The following SCAPER variants were observed in gnomAD, a reference collection of about 807,000 sequenced individuals.
SCAPER encodes the protein S phase cyclin A-associated protein in the endoplasmic reticulum.
In SCAPER, 98 loss-of-function variants were observed where a neutral mutation model predicts 182.2. The ratio of observed to expected loss-of-function variants is 0.54; its 90% CI spans 0.46 to 0.64. The LOEUF (loss-of-function observed/expected upper bound fraction) is 0.64. Ranked by LOEUF, SCAPER falls within the 30% of genes least tolerant of loss-of-function variation. The pLI, the probability that SCAPER is intolerant of heterozygous loss-of-function variation, is 0.00. For synonymous variants in SCAPER, 605 were observed against 564.6 expected (o/e 1.07, Z -1.01); for missense variants, 1,432 against 1,690.0 (o/e 0.85, Z 2.68).
intron 29 of SCAPER, among the ~76,000 whole-genome samples, chr15:76,358,400 T>C (rs997450153): frequency 3.3e-5 from 5 of 152,254 alleles, no homozygotes; most frequent in Admixed American, 6.5e-5. Flanking sequence ...CTTAGTTGGC[T>C]TGGGCTGCCA....
chr15:76,554,694 G>A (rs2046052542), intron 23 of SCAPER, among the ~76,000 whole-genome samples: 1 of 151,492 alleles, frequency 6.6e-6, no homozygotes, highest in African/African-American at 2.4e-5. Flanking sequence ...GAAGGGGTAA[G>A]GCCACTTACA....
chr15:76,833,676 C>G (rs1021567886), intron 5 of SCAPER, among the ~76,000 whole-genome samples: 2 of 152,076 alleles, frequency 1.3e-5, no homozygotes, highest in Non-Finnish European at 2.9e-5. Flanking sequence ...AAAGATTTAT[C>G]AAGCAAACAG....
chr15:76,370,737 A>C (rs1188831587), intron 29 of SCAPER, among the ~76,000 whole-genome samples: 2 of 152,202 alleles, frequency 1.3e-5, no homozygotes, highest in Non-Finnish European at 2.9e-5. Flanking sequence ...TTTATCTATG[A>C]TCACACAGCT....
At chr15:76,739,654 T>C (rs2061447121) in intron 15 of SCAPER, among the ~76,000 whole-genome samples, 1 of 152,218 alleles carries the variant, frequency 6.6e-6, no homozygotes, top group Non-Finnish European at 1.5e-5. Flanking sequence ...AACTTATGAA[T>C]TGTTTATTTC....
chr15:76,420,330 G>A (rs1348374758), intron 26 of SCAPER, among the ~76,000 whole-genome samples: 1 of 144,604 alleles, frequency 6.9e-6, no homozygotes, highest in African/African-American at 2.6e-5. Context: ...TTAGTCTCCT[G>A]CGCTCCTGAG....
intron 5 of SCAPER, among the ~76,000 whole-genome samples, chr15:76,812,486 A>AG (rs1289940218): frequency 7.2e-6 from 1 of 138,228 alleles, no homozygotes; most frequent in East Asian, 2.1e-4. Flanking sequence ...AGACTCTGAA[A>AG]AAAAAAAAAA....
rs193101982 is a variant in SCAPER at position 76,841,184 on chromosome 15, A to C, written c.393+550T>G. On this transcript the variant is annotated intron_variant, in intron 5 of 31. Coordinates refer to ENST00000563290, the MANE Select transcript of SCAPER (RefSeq NM_020843.4). ...AAGACAGCTTTCTACCAAATCCTTC[A>C]CAGAACCTAAAATATATAATTAGGT... 2.0e-3 allele frequency among the ~76,000 whole-genome samples: 304 copies of C among 152,314 alleles called. 1 individual carries two copies. Among genetic ancestry groups the C allele is most frequent in the South Asian group, 4.4e-3 (21 of 4,824 alleles).
chr15:76,557,554 T>C (rs1020744238), intron 23 of SCAPER, among the ~76,000 whole-genome samples: 1 of 152,180 alleles, frequency 6.6e-6, no homozygotes, highest in East Asian at 1.9e-4. Context: ...TCTGTTTGTT[T>C]AAAAGTGTGT....
chr15:76,847,191 G>C (rs1230979632), intron 4 of SCAPER, among the ~76,000 whole-genome samples: 1 of 152,076 alleles, frequency 6.6e-6, no homozygotes, highest in Non-Finnish European at 1.5e-5. Context: ...CCAAAGTCTG[G>C]TAAGGGTAGC....
At chr15:76,647,968 A>C (rs2054680889) in intron 21 of SCAPER, among the ~76,000 whole-genome samples, 1 of 152,206 alleles carries the variant, frequency 6.6e-6, no homozygotes, top group Non-Finnish European at 1.5e-5. Flanking sequence ...TGCATTACAG[A>C]ATTAAATTCT....
intron 26 of SCAPER, among the ~76,000 whole-genome samples, chr15:76,422,662 T>C (rs1055800417): frequency 1.3e-5 from 2 of 152,164 alleles, no homozygotes; most frequent in Non-Finnish European, 2.9e-5. Flanking sequence ...CTATGTTGAA[T>C]AGGAGTGGTG....
intron 5 of SCAPER, 54 bp from the exon 6 acceptor site, chr15:76,804,687 T>G: frequency 8.5e-7 from 1 of 1,177,954 alleles, no homozygotes; most frequent in South Asian, 1.5e-5. Flanking sequence ...CTAAAAACTT[T>G]GAAGAAAAAA....
intron 1 of SCAPER, among the ~76,000 whole-genome samples, chr15:76,888,463 G>A (rs1245850479): frequency 2.0e-5 from 3 of 152,284 alleles, no homozygotes; most frequent in African/African-American, 7.2e-5. Flanking sequence ...AGAATGAACA[G>A]TGGAGAGAAG....
chr15:76,655,384 G>C (rs936060498), intron 21 of SCAPER, among the ~76,000 whole-genome samples: 2 of 152,068 alleles, frequency 1.3e-5, no homozygotes, highest in Admixed American at 6.5e-5. Flanking sequence ...TGAGAAATAT[G>C]GGATTATGTA....
chr15:76,429,875 G>T (rs1954188256), intron 26 of SCAPER, among the ~76,000 whole-genome samples: 1 of 152,174 alleles, frequency 6.6e-6, no homozygotes, highest in African/African-American at 2.4e-5. Flanking sequence ...TGTCGCCAGG[G>T]CATGTCAGAG....
chr15:76,632,348 C>T (rs1161366312), intron 21 of SCAPER, among the ~76,000 whole-genome samples: 5 of 151,980 alleles, frequency 3.3e-5, no homozygotes, highest in African/African-American at 1.2e-4. Flanking sequence ...TGCCATCAAG[C>T]CCGGCTTTCT....
chr15:76,425,549 C>T (rs2046361386), intron 26 of SCAPER, among the ~76,000 whole-genome samples: 2 of 152,130 alleles, frequency 1.3e-5, no homozygotes, highest in African/African-American at 2.4e-5. Context: ...CGCTTTTTTG[C>T]AGTGGGTTCG....
At chr15:76,375,182 C>A (rs1368736673) in intron 29 of SCAPER, among the ~76,000 whole-genome samples, 2 of 123,092 alleles carry the variant, frequency 1.6e-5, no homozygotes, top group Non-Finnish European at 3.2e-5. Context: ...CATGCCACTG[C>A]ACTCCAGCCT....
intron 2 of SCAPER, among the ~76,000 whole-genome samples, chr15:76,882,899 T>C (rs1278184693): frequency 6.6e-6 from 1 of 152,120 alleles, no homozygotes; most frequent in African/African-American, 2.4e-5. Context: ...CTCCTGACCT[T>C]GTGATCCGCC....
Sources: allele counts gnomAD v4.1 joint callset (sites outside exome capture counted in the v4.1 genomes callset), GRCh38; gene constraint gnomAD v4.1.1; transcripts MANE v1.5; gene names NCBI Gene and HGNC (gene_info 2026-07-23, HGNC 2026-07-21).